The following MRPL37 variants were observed in gnomAD, a reference collection of about 807,000 sequenced individuals.
MRPL37 encodes the protein mitochondrial ribosomal protein L37.
MRPL37 carries 34 observed loss-of-function variants against 44.1 expected under a neutral mutation model. That is an observed-to-expected ratio of 0.77 (90% CI 0.59 to 1.03). The LOEUF is 1.03. Among genes scored for constraint, MRPL37 ranks in the 50% least tolerant of loss-of-function variants. The probability of loss-of-function intolerance (pLI) is 0.00; values close to 1 mark genes in which losing one functional copy is unlikely to be tolerated. For missense variants in MRPL37, 532 were observed against 543.7 expected (o/e 0.98, Z 0.21); for synonymous variants, 212 against 219.5 (o/e 0.97, Z 0.30).
downstream of MRPL37, among the ~76,000 whole-genome samples, chr1:54,222,615 C>T (rs990039744): frequency 2.0e-5 from 3 of 152,242 alleles, no homozygotes; most frequent in South Asian, 2.1e-4. Context: ...ACTGCTCTGT[C>T]GCCTTTGTGG....
At chr1:54,206,022 C>T (rs33973564) in intron 3 of MRPL37, among the ~76,000 whole-genome samples, 36,702 of 152,220 alleles carry the variant, frequency 0.24, 5,797 homozygotes, top group Middle Eastern at 0.39. Context: ...CAAGCTTTCA[C>T]ACCATGTGCC....
At chr1:54,221,952 G>C (rs1200670505), downstream of MRPL37, among the ~76,000 whole-genome samples, 1 of 152,194 alleles carries the variant, frequency 6.6e-6, no homozygotes, top group Non-Finnish European at 1.5e-5. Context: ...GACACGGCCA[G>C]AGTGGTCTCC....
At chr1:54,204,397 A>G (rs1644106525) in intron 1 of MRPL37, among the ~76,000 whole-genome samples, 1 of 147,942 alleles carries the variant, frequency 6.8e-6, no homozygotes, top group South Asian at 2.1e-4. Context: ...CTTTGTCTCA[A>G]AAAAAAAAAA....
At chr1:54,222,674 C>T (rs943693905), downstream of MRPL37, among the ~76,000 whole-genome samples, 2 of 152,166 alleles carry the variant, frequency 1.3e-5, no homozygotes, top group African/African-American at 4.8e-5. Context: ...GGCCTCTTCT[C>T]CATTCATTCC....
chr1:54,200,556 T>C lies in MRPL37; in HGVS notation c.313T>C (p.Tyr105His). The C allele has an allele frequency of 1.2e-6, 2 of 1,605,500 alleles. No homozygotes were observed. Among genetic ancestry groups the C allele is most frequent in the Non-Finnish European group, 1.7e-6 (2 of 1,173,118 alleles). ...TCCGCTGTACAAAGACCAGGCCTGC[T>C]ATATCTTTCACCACCGTTGCCGCCT... The part of the protein sequence containing the change: ...EHPLYKDQAC[Y>H]IFHHRCRLLE... Residue 105 changes from tyrosine (Y) to histidine (H), a missense_variant, in exon 1 of 7, where the codon TAT becomes CAT. By Grantham distance (83) the Tyr-to-His change is moderately conservative. Coordinates refer to ENST00000360840, the MANE Select transcript of MRPL37 (RefSeq NM_016491.4).
chr1:54,225,002 G>A (rs1644266232), downstream of MRPL37: 3 of 996,494 alleles, frequency 3.0e-6, no homozygotes, highest in African/African-American at 5.0e-5. Context: ...TGAGGCTGGG[G>A]GCCTGGGGTG....
At chr1:54,213,881 C>T (rs1361788985) in intron 5 of MRPL37, among the ~76,000 whole-genome samples, 1 of 152,068 alleles carries the variant, frequency 6.6e-6, no homozygotes, top group Non-Finnish European at 1.5e-5. Flanking sequence ...AACCCCATCT[C>T]TACTAAAAAC....
chr1:54,206,575 A>G (rs1180311540), intron 3 of MRPL37, among the ~76,000 whole-genome samples: 3 of 151,692 alleles, frequency 2.0e-5, no homozygotes, highest in African/African-American at 7.3e-5. Flanking sequence ...ACACCCAGCT[A>G]ATTTTTGTAT....
downstream of MRPL37, among the ~76,000 whole-genome samples, chr1:54,219,116 T>A (rs775790304): frequency 1.3e-5 from 2 of 152,236 alleles, no homozygotes; most frequent in Non-Finnish European, 2.9e-5. Context: ...TGGCTGCCTC[T>A]GAGGCCTCAC....
At chr1:54,214,863 C>A (rs575471943) in intron 5 of MRPL37, among the ~76,000 whole-genome samples, 15 of 152,336 alleles carry the variant, frequency 9.8e-5, no homozygotes, top group East Asian at 1.9e-4. Flanking sequence ...ATACAGAATT[C>A]TCGGCTAACA....
intron 1 of MRPL37, among the ~76,000 whole-genome samples, chr1:54,201,101 C>A (rs1182844166): frequency 6.6e-6 from 1 of 152,216 alleles, no homozygotes; most frequent in Non-Finnish European, 1.5e-5. Context: ...TTGCCAAAAC[C>A]AGCCTGTCTA....
chr1:54,200,249 A>T lies in MRPL37; in HGVS notation c.6A>T (p.Ala2=). M[A]LASGPARRAL... ...CTTGAGGCTATCAGATCGGTATGGC[A>T]TTGGCGTCCGGGCCCGCAAGGCGGG... is the stretch of plus-strand genomic sequence containing the variant. The change falls in exon 1 of 7, where the codon GCA becomes GCT. Residue 2 remains alanine, a synonymous_variant. Transcript: ENST00000360840. 1.3e-6 allele frequency: 2 copies of T among 1,586,172 alleles called. No homozygotes were observed. The highest frequency in any genetic ancestry group is 1.3e-5 in the African/African-American group (1 of 74,136).
intron 1 of MRPL37, among the ~76,000 whole-genome samples, chr1:54,201,523 C>T (rs993429874): frequency 6.6e-6 from 1 of 152,150 alleles, no homozygotes; most frequent in African/African-American, 2.4e-5. Context: ...GTATTTTAGA[C>T]GTTAAGATTA....
Position 54,200,367 on chromosome 1 carries a change from G to A in MRPL37, c.124G>A (p.Glu42Lys). 6.2e-7 allele frequency: 1 copy of A among 1,614,184 alleles called. No individual in the cohort carries two copies. Among genetic ancestry groups the A allele is most frequent in the Non-Finnish European group, 8.5e-7 (1 of 1,180,026 alleles). ...EWGVRSTRKSEPPPLDRVYEI... is the reference protein window; with the variant it reads ...EWGVRSTRKSKPPPLDRVYEI... ...GGGCGTGCGCTCCACGCGGAAGTCG[G>A]AGCCTCCTCCCCTGGATAGGGTGTA... is the stretch of plus-strand genomic sequence containing the variant. Residue 42 changes from glutamate to lysine, a missense_variant, in exon 1 of 7, where the codon GAG becomes AAG. By Grantham distance (56) the Glu-to-Lys change is moderately conservative. Transcript: ENST00000360840.
At chr1:54,219,985 C>T (rs547074509), downstream of MRPL37, among the ~76,000 whole-genome samples, 7 of 152,188 alleles carry the variant, frequency 4.6e-5, no homozygotes, top group South Asian at 2.1e-4. Context: ...TGAGCACCCT[C>T]GTTCATGTAT....
intron 1 of MRPL37, 139 bp from the exon 2 acceptor site, chr1:54,204,879 A>G (rs896337098): frequency 2.4e-5 from 23 of 955,712 alleles, no homozygotes; most frequent in Admixed American, 2.3e-4. Flanking sequence ...TTTTGGTTCT[A>G]TCCCCTCAGG....
chr1:54,204,033 T>TTGTTGACCTCTGGTATAC (rs1644103877), intron 1 of MRPL37, among the ~76,000 whole-genome samples: 1 of 152,172 alleles, frequency 6.6e-6, no homozygotes, highest in Non-Finnish European at 1.5e-5. Context: ...GAGAAAATGT[T>TTGTTGACCTCTGGTATAC]TGTTGACCTC....
intron 5 of MRPL37, among the ~76,000 whole-genome samples, chr1:54,212,865 A>G (rs71637833): frequency 7.1e-4 from 108 of 152,342 alleles, no homozygotes; most frequent in Non-Finnish European, 1.3e-3. Context: ...AGCTCACTTG[A>G]TCACAGTAGC....
At chr1:54,223,991 C>G (rs1433451901), downstream of MRPL37, among the ~76,000 whole-genome samples, 2 of 152,228 alleles carry the variant, frequency 1.3e-5, no homozygotes, top group Non-Finnish European at 2.9e-5. Flanking sequence ...GGGCCCCAGG[C>G]TGAGGGGTAG....
Sources: allele counts gnomAD v4.1 joint callset (sites outside exome capture counted in the v4.1 genomes callset), GRCh38; gene constraint gnomAD v4.1.1; transcripts MANE v1.5; gene names NCBI Gene and HGNC (gene_info 2026-07-23, HGNC 2026-07-21).